RIT2: variants seen among roughly 807,000 people sequenced by gnomAD.
RIT2 encodes the protein GTP-binding protein Rit2.
Under a neutral mutation model 23.7 loss-of-function variants are expected in RIT2, and 24 were observed. The observed-to-expected ratio is 1.01, with a 90% confidence interval of 0.73 to 1.43. The LOEUF (loss-of-function observed/expected upper bound fraction) is 1.43. RIT2 is among the 40% of genes most tolerant of loss of function. The pLI is 0.00. For missense variants in RIT2, 236 were observed against 266.9 expected, an observed-to-expected ratio of 0.88 and a Z score of 0.81; for synonymous variants, 107 against 91.1, an observed-to-expected ratio of 1.17 and a Z score of -0.99.
At chr18:43,112,152 A>C (rs1157005511) in intron 1 of RIT2, among the ~76,000 whole-genome samples, 2 of 152,134 alleles carry the variant, frequency 1.3e-5, no homozygotes, top group Non-Finnish European at 2.9e-5. Flanking sequence ...TTATCAATGG[A>C]TCTGTTTTCT....
At chr18:43,109,256 C>G (rs769028031) in intron 1 of RIT2, among the ~76,000 whole-genome samples, 3 of 152,154 alleles carry the variant, frequency 2.0e-5, no homozygotes, top group Non-Finnish European at 2.9e-5. Flanking sequence ...TCAGTTTTTT[C>G]TTTACAAAGA....
At chr18:43,053,558 AT>A (rs1175745905) in intron 1 of RIT2, among the ~76,000 whole-genome samples, 7 of 152,060 alleles carry the variant, frequency 4.6e-5, no homozygotes, top group African/African-American at 1.7e-4. Flanking sequence ...ATTTTTTGTT[AT>A]CTTCATCATT....
chr18:42,745,013 C>T (rs768621054), intron 4 of RIT2, among the ~76,000 whole-genome samples: 17 of 152,126 alleles, frequency 1.1e-4, no homozygotes, highest in Non-Finnish European at 2.1e-4. Flanking sequence ...GTGCCTACAT[C>T]ACCATTAGAA....
intron 4 of RIT2, among the ~76,000 whole-genome samples, chr18:42,827,122 T>C (rs181996354): frequency 1.3e-5 from 2 of 152,258 alleles, no homozygotes; most frequent in East Asian, 3.9e-4. Context: ...GTAATGCTAT[T>C]TGTCTATAGT....
intron 4 of RIT2, among the ~76,000 whole-genome samples, chr18:42,915,695 G>A (rs1274653477): frequency 6.6e-6 from 1 of 151,958 alleles, no homozygotes; most frequent in Non-Finnish European, 1.5e-5. Flanking sequence ...CTATTTAGGT[G>A]TAGATGTGCA....
At chr18:42,922,454 TC>T (rs1389114856) in intron 4 of RIT2, among the ~76,000 whole-genome samples, 1 of 152,144 alleles carries the variant, frequency 6.6e-6, no homozygotes, top group Non-Finnish European at 1.5e-5. Flanking sequence ...AGATGAAGCA[TC>T]TCAATTTATA....
At chr18:42,833,363 CA>C (rs1906514083) in intron 4 of RIT2, among the ~76,000 whole-genome samples, 1 of 152,152 alleles carries the variant, frequency 6.6e-6, no homozygotes, top group African/African-American at 2.4e-5. Flanking sequence ...ATATATACTA[CA>C]TTTTCTTAAT....
At chr18:42,882,685 A>G (rs1907925624) in intron 4 of RIT2, among the ~76,000 whole-genome samples, 1 of 152,190 alleles carries the variant, frequency 6.6e-6, no homozygotes, top group African/African-American at 2.4e-5. Context: ...GTGAAACTCT[A>G]AGCATTGATT....
intron 4 of RIT2, among the ~76,000 whole-genome samples, chr18:42,892,295 G>A (rs951799929): frequency 6.6e-6 from 1 of 152,120 alleles, no homozygotes; most frequent in East Asian, 1.9e-4. Context: ...CAGCTTAAGT[G>A]AATGTCTTTT....
intron 1 of RIT2, among the ~76,000 whole-genome samples, chr18:43,057,687 G>A (rs1323032934): frequency 6.6e-6 from 1 of 151,722 alleles, no homozygotes; most frequent in African/African-American, 2.4e-5. Flanking sequence ...AAGATTAGGG[G>A]TATAGCACCT....
At chr18:42,955,811 C>T (rs1249414422) in intron 3 of RIT2, among the ~76,000 whole-genome samples, 1 of 152,146 alleles carries the variant, frequency 6.6e-6, no homozygotes, top group Admixed American at 6.5e-5. Flanking sequence ...TTTACTTCAC[C>T]TTGAAAAGAA....
chr18:42,972,179 C>A (rs1910377322), intron 3 of RIT2, among the ~76,000 whole-genome samples: 1 of 151,842 alleles, frequency 6.6e-6, no homozygotes, highest in Admixed American at 6.6e-5. Flanking sequence ...TCTCTAGTTT[C>A]CACTGAAAAA....
intron 3 of RIT2, among the ~76,000 whole-genome samples, chr18:42,971,785 G>C (rs2144201000): frequency 6.6e-6 from 1 of 152,080 alleles, no homozygotes; most frequent in South Asian, 2.1e-4. Flanking sequence ...CCCTTTTCTT[G>C]AGAAGTAGCA....
chr18:42,910,752 T>C (rs1908749046), intron 4 of RIT2, among the ~76,000 whole-genome samples: 1 of 152,042 alleles, frequency 6.6e-6, no homozygotes, highest in Non-Finnish European at 1.5e-5. Context: ...AGTGGATTAA[T>C]TTGCCAAGAA....
chr18:43,079,153 A>C (rs901549051), intron 1 of RIT2, among the ~76,000 whole-genome samples: 1 of 152,234 alleles, frequency 6.6e-6, no homozygotes, highest in Non-Finnish European at 1.5e-5. Context: ...GAGCCTTACA[A>C]ATCATCTAAT....
chr18:43,066,566 G>T (rs1027496961), intron 1 of RIT2, among the ~76,000 whole-genome samples: 1 of 152,104 alleles, frequency 6.6e-6, no homozygotes, highest in Admixed American at 6.5e-5. Flanking sequence ...TAGGTGATAG[G>T]TGCTGGAGAA....
intron 4 of RIT2, among the ~76,000 whole-genome samples, chr18:42,763,092 G>A (rs1204240186): frequency 6.6e-6 from 1 of 152,054 alleles, no homozygotes; most frequent in Non-Finnish European, 1.5e-5. Context: ...GAATACTGTG[G>A]GCAATTGTAG....
At chr18:42,844,493 T>C (rs1906854190) in intron 4 of RIT2, among the ~76,000 whole-genome samples, 1 of 152,054 alleles carries the variant, frequency 6.6e-6, no homozygotes, top group Non-Finnish European at 1.5e-5. Context: ...GAGGATGGGA[T>C]GGGCAGGTAA....
At chr18:42,884,305 A>ACT (rs1297032349) in intron 4 of RIT2, among the ~76,000 whole-genome samples, 3 of 152,032 alleles carry the variant, frequency 2.0e-5, no homozygotes, top group Non-Finnish European at 4.4e-5. Flanking sequence ...AAAGGAAATT[A>ACT]CTCTCTCTCT....
Sources: gnomAD v4.1 joint callset for allele counts (sites outside exome capture counted in the v4.1 genomes callset) on GRCh38, gnomAD v4.1.1 for gene constraint, MANE v1.5 for transcripts, NCBI Gene and HGNC (gene_info 2026-07-23, HGNC 2026-07-21) for gene names.